CNTNAP2: variants seen among roughly 807,000 people sequenced by gnomAD.
The protein encoded by CNTNAP2 is contactin associated protein 2.
In CNTNAP2, 98 loss-of-function variants were observed where a neutral mutation model predicts 155.2. That is an observed-to-expected ratio of 0.63 (90% CI 0.54 to 0.75). The LOEUF (loss-of-function observed/expected upper bound fraction) is 0.75, where lower values mean the gene tolerates loss of function less well. Among genes scored for constraint, CNTNAP2 ranks in the 30% least tolerant of loss-of-function variants. The pLI, the probability that CNTNAP2 is intolerant of heterozygous loss-of-function variation, is 0.00. For missense variants in CNTNAP2, 1,727 were observed against 1,688.1 expected (o/e 1.02, Z -0.40); for synonymous variants, 651 against 631.2 (o/e 1.03, Z -0.47).
intron 11 of CNTNAP2, among the ~76,000 whole-genome samples, chr7:147,490,203 C>T (rs955107383): frequency 6.6e-6 from 1 of 152,070 alleles, no homozygotes; most frequent in Non-Finnish European, 1.5e-5. Context: ...GAGGAATAAA[C>T]TAGATGACCT....
rs1458083583 is a variant in CNTNAP2, at chr7:146,633,001, ACAAT to A, written c.98-141265_98-141262del. 2.6e-5 allele frequency among the ~76,000 whole-genome samples: 4 copies of A among 152,064 alleles called. No individual in the cohort carries two copies. The East Asian group carries it at 7.7e-4, about 29-fold the overall frequency. On this transcript the variant is annotated intron_variant, in intron 1 of 23. Coordinates refer to ENST00000361727, the MANE Select transcript of CNTNAP2 (RefSeq NM_014141.6). Reference sequence around the variant, plus strand: ...TGAATTGAGAGAATGAATGCTCTCCACAATCAATGTCATTAAAAAAGCAACTTTC... The same window carrying A: ...TGAATTGAGAGAATGAATGCTCTCCACAATGTCATTAAAAAAGCAACTTTC...
chr7:147,976,078 T>C (rs6948385), intron 14 of CNTNAP2, among the ~76,000 whole-genome samples: 2,697 of 152,332 alleles, frequency 0.018, 91 homozygotes, highest in African/African-American at 0.062. Context: ...CTGAATTTTA[T>C]AGCATCACAA....
At chr7:147,503,991 A>T (rs1295845837) in intron 11 of CNTNAP2, among the ~76,000 whole-genome samples, 1 of 152,196 alleles carries the variant, frequency 6.6e-6, no homozygotes, top group Non-Finnish European at 1.5e-5. Flanking sequence ...TTTATTTTTC[A>T]GATGAAAAAG....
At chr7:146,823,371 C>A (rs375821505) in intron 2 of CNTNAP2, among the ~76,000 whole-genome samples, 84 of 108,064 alleles carry the variant, frequency 7.8e-4, no homozygotes, top group Middle Eastern at 0.014. Context: ...CAGTATATTT[C>A]CATGTAAATA....
intron 8 of CNTNAP2, among the ~76,000 whole-genome samples, chr7:147,278,253 C>T (rs1348065785): frequency 1.3e-5 from 2 of 151,606 alleles, no homozygotes; most frequent in Admixed American, 6.6e-5. Flanking sequence ...TCCCTATATC[C>T]TCAAAAGAAA....
chr7:148,230,880 A>G (rs1354505011), intron 20 of CNTNAP2, among the ~76,000 whole-genome samples: 1 of 152,122 alleles, frequency 6.6e-6, no homozygotes, highest in Non-Finnish European at 1.5e-5. Flanking sequence ...AGGGGTGACA[A>G]ATTCTTTATG....
At chr7:146,366,906 G>C (rs925508652) in intron 1 of CNTNAP2, among the ~76,000 whole-genome samples, 2 of 152,096 alleles carry the variant, frequency 1.3e-5, no homozygotes, top group African/African-American at 4.8e-5. Context: ...TCTTTAGACA[G>C]ACCTCAACAT....
chr7:147,838,412 A>G (rs987913432), intron 13 of CNTNAP2, among the ~76,000 whole-genome samples: 2 of 152,176 alleles, frequency 1.3e-5, no homozygotes, highest in South Asian at 2.1e-4. Context: ...TTTTTTTTCT[A>G]TCACATTGTC....
intron 10 of CNTNAP2, among the ~76,000 whole-genome samples, chr7:147,475,286 G>C (rs1798298116): frequency 6.6e-6 from 1 of 152,152 alleles, no homozygotes; most frequent in Admixed American, 6.5e-5. Flanking sequence ...ATGCACATTT[G>C]AAATTAATAG....
At chr7:148,264,433 G>T (rs532213638) in intron 20 of CNTNAP2, among the ~76,000 whole-genome samples, 3 of 151,604 alleles carry the variant, frequency 2.0e-5, no homozygotes, top group East Asian at 2.0e-4. Flanking sequence ...TAAGAAAATA[G>T]AATTTTGTTG....
intron 8 of CNTNAP2, among the ~76,000 whole-genome samples, chr7:147,254,022 G>T (rs1016988378): frequency 6.6e-6 from 1 of 152,168 alleles, no homozygotes; most frequent in Non-Finnish European, 1.5e-5. Flanking sequence ...CCCAGTGCTT[G>T]GGTGTCTTCA....
intron 1 of CNTNAP2, among the ~76,000 whole-genome samples, chr7:146,203,224 T>C (rs1798894408): frequency 6.6e-6 from 1 of 152,206 alleles, no homozygotes; most frequent in Non-Finnish European, 1.5e-5. Context: ...CATCTGGAGT[T>C]AGCATCAGAT....
chr7:146,473,817 G>T (rs1326123391), intron 1 of CNTNAP2, among the ~76,000 whole-genome samples: 2 of 152,064 alleles, frequency 1.3e-5, no homozygotes, highest in Non-Finnish European at 2.9e-5. Context: ...GGGTCCCACA[G>T]GTTTGTCTCA....
chr7:146,312,328 G>A (rs960003148), intron 1 of CNTNAP2, among the ~76,000 whole-genome samples: 1 of 152,176 alleles, frequency 6.6e-6, no homozygotes, highest in African/African-American at 2.4e-5. Context: ...GAGAGGATTC[G>A]AAGCTCTAAC....
chr7:146,536,235 T>C (rs1445776556), intron 1 of CNTNAP2, among the ~76,000 whole-genome samples: 1 of 152,144 alleles, frequency 6.6e-6, no homozygotes, highest in Non-Finnish European at 1.5e-5. Flanking sequence ...TCTTTCATTC[T>C]AAGTCGTTTT....
chr7:147,150,607 T>C (rs1801805762), intron 8 of CNTNAP2, among the ~76,000 whole-genome samples: 1 of 152,182 alleles, frequency 6.6e-6, no homozygotes, highest in African/African-American at 2.4e-5. Context: ...ACAGGAAAGA[T>C]ACTAATTTCA....
chr7:148,310,709 C>T (rs1011793342), intron 21 of CNTNAP2, among the ~76,000 whole-genome samples: 5 of 151,998 alleles, frequency 3.3e-5, no homozygotes, highest in Non-Finnish European at 5.9e-5. Context: ...GATCCACAGA[C>T]GAAGAGACCT....
intron 3 of CNTNAP2, among the ~76,000 whole-genome samples, chr7:146,906,529 C>A (rs1796131888): frequency 6.6e-6 from 1 of 152,022 alleles, no homozygotes; most frequent in African/African-American, 2.4e-5. Context: ...GAGGCACCCC[C>A]CAGCAGGGGC....
At chr7:146,331,574 T>C (rs1231203231) in intron 1 of CNTNAP2, among the ~76,000 whole-genome samples, 1 of 152,072 alleles carries the variant, frequency 6.6e-6, no homozygotes, top group African/African-American at 2.4e-5. Context: ...TCTGGGTTTG[T>C]TGTGGGATGG....
Sources: gnomAD v4.1 joint callset for allele counts (sites outside exome capture counted in the v4.1 genomes callset) on GRCh38, gnomAD v4.1.1 for gene constraint, MANE v1.5 for transcripts, NCBI Gene and HGNC (gene_info 2026-07-23, HGNC 2026-07-21) for gene names.